Variants in PHF24 observed in about 807,000 individuals in gnomAD.
PHF24 encodes the protein Galpha inhibitory interacting protein.
A neutral mutation model predicts 42.6 loss-of-function variants in PHF24; 25 were observed. The observed-to-expected ratio is 0.59, with a 90% CI of 0.43 to 0.82. The LOEUF is 0.82. PHF24 is among the 40% of genes least tolerant of loss of function. PHF24 has a pLI of 0.00. For missense variants in PHF24, 470 were observed against 538.1 expected, an observed-to-expected ratio of 0.87 and a Z score of 1.25; for synonymous variants, 185 against 204.8, an observed-to-expected ratio of 0.90 and a Z score of 0.83.
At chr9:34,917,872 G>A in the PHF24 span, 729,759 of 1,541,848 alleles carry the variant, frequency 0.47, 177,501 homozygotes, top group Admixed American at 0.51. Context: ...GAAGACTTTG[G>A]AGTGATAGCA....
chr9:34,759,822 C>G, the PHF24 span, among the ~76,000 whole-genome samples: 1 of 152,156 alleles, frequency 6.6e-6, no homozygotes, highest in Admixed American at 6.5e-5. Context: ...CAGCAACTTG[C>G]CTGGCCTTTG....
the PHF24 span, among the ~76,000 whole-genome samples, chr9:34,876,050 A>G: frequency 6.6e-6 from 1 of 151,820 alleles, no homozygotes; most frequent in Admixed American, 6.6e-5. Flanking sequence ...AAAGAATTTG[A>G]AAGAAAGCAT....
chr9:34,778,737 G>A, the PHF24 span, among the ~76,000 whole-genome samples: 1 of 151,828 alleles, frequency 6.6e-6, no homozygotes, highest in African/African-American at 2.4e-5. Context: ...GGATACAGAA[G>A]ACATAAACAA....
At chr9:34,896,578 G>A in the PHF24 span, among the ~76,000 whole-genome samples, 1 of 152,138 alleles carries the variant, frequency 6.6e-6, no homozygotes, top group Admixed American at 6.5e-5. Flanking sequence ...CAAAACTTTC[G>A]ATTAAGGTTC....
At chr9:34,932,197 C>T in the PHF24 span, among the ~76,000 whole-genome samples, 1 of 152,184 alleles carries the variant, frequency 6.6e-6, no homozygotes, top group Middle Eastern at 3.2e-3. Flanking sequence ...CCAATATTCC[C>T]CTGGGCTAAG....
chr9:34,908,983 G>A, the PHF24 span, among the ~76,000 whole-genome samples: 6 of 151,938 alleles, frequency 3.9e-5, no homozygotes, highest in African/African-American at 1.4e-4. Context: ...AAGTAGCTGG[G>A]ATTACAGGGT....
chr9:34,894,966 G>T, the PHF24 span: 1 of 398,266 alleles, frequency 2.5e-6, no homozygotes, highest in Non-Finnish European at 4.4e-6. Flanking sequence ...AGCAGCAGGG[G>T]TCATAGAGGG....
At chr9:34,974,393 T>A (rs527809069) in intron 3 of PHF24, among the ~76,000 whole-genome samples, 58 of 152,352 alleles carry the variant, frequency 3.8e-4, no homozygotes, top group African/African-American at 7.5e-4. Flanking sequence ...CTTTAGGATT[T>A]AAGTATTTTT....
chr9:34,888,965 A>C, the PHF24 span: 1 of 397,292 alleles, frequency 2.5e-6, no homozygotes, highest in Non-Finnish European at 4.4e-6. Context: ...ATAAAATGTG[A>C]TTTAAGCTTC....
the PHF24 span, chr9:34,922,766 T>C: frequency 2.5e-6 from 4 of 1,592,334 alleles, no homozygotes; most frequent in Admixed American, 1.7e-5. Flanking sequence ...TACGGGCTCC[T>C]ACAACATTTT....
the PHF24 span, among the ~76,000 whole-genome samples, chr9:34,773,739 A>G: frequency 6.6e-6 from 1 of 152,146 alleles, no homozygotes; most frequent in Non-Finnish European, 1.5e-5. Context: ...TATGAGAAAA[A>G]CATCAAACAA....
At chr9:34,937,337 C>A in the PHF24 span, among the ~76,000 whole-genome samples, 1 of 152,114 alleles carries the variant, frequency 6.6e-6, no homozygotes, top group African/African-American at 2.4e-5. Context: ...TCCTGTTGAT[C>A]TGTGACCTTA....
the PHF24 span, among the ~76,000 whole-genome samples, chr9:34,909,919 G>A: frequency 3.9e-5 from 6 of 152,258 alleles, no homozygotes; most frequent in Admixed American, 2.0e-4. Context: ...GAGCCACCGC[G>A]CCCAGCCGAA....
chr9:34,665,984 G>C, the PHF24 span: 8 of 443,072 alleles, frequency 1.8e-5, no homozygotes, highest in Admixed American at 4.0e-5. Flanking sequence ...TCACCTGGAG[G>C]GGGGGCTGAG....
the PHF24 span, among the ~76,000 whole-genome samples, chr9:34,688,211 G>A: frequency 1.3e-5 from 2 of 152,102 alleles, no homozygotes; most frequent in African/African-American, 2.4e-5. Flanking sequence ...ACGTATACCC[G>A]ATATAATGAC....
upstream of PHF24, among the ~76,000 whole-genome samples, chr9:34,952,807 G>T (rs2132822709): frequency 6.6e-6 from 1 of 152,158 alleles, no homozygotes; most frequent in South Asian, 2.1e-4. Flanking sequence ...GATGAATTTG[G>T]ACATATGCAA....
chr9:34,724,740 G>C, the PHF24 span: 1 of 1,551,702 alleles, frequency 6.4e-7, no homozygotes, highest in Non-Finnish European at 8.7e-7. Flanking sequence ...CTTATACACT[G>C]TTCTTCAAAT....
At chr9:34,884,742 C>T in the PHF24 span, among the ~76,000 whole-genome samples, 1 of 152,314 alleles carries the variant, frequency 6.6e-6, no homozygotes, top group Non-Finnish European at 1.5e-5. Flanking sequence ...TGCTCCTGCT[C>T]AGGGACTCCC....
chr9:34,833,427 C>T, the PHF24 span: 3 of 1,550,750 alleles, frequency 1.9e-6, no homozygotes, highest in Non-Finnish European at 2.6e-6. Context: ...TTAAGGTGAA[C>T]CCCTTCTGGA....
Sources: allele counts gnomAD v4.1 joint callset (sites outside exome capture counted in the v4.1 genomes callset), GRCh38; gene constraint gnomAD v4.1.1; transcripts MANE v1.5; gene names NCBI Gene and HGNC (gene_info 2026-07-23, HGNC 2026-07-21).